Variants in SOX6 observed in about 807,000 individuals in gnomAD.
SOX6 encodes the protein SRY-box transcription factor 6.
SOX6 carries 11 observed loss-of-function variants against 97.8 expected under a neutral mutation model. The observed-to-expected ratio is 0.11, with a 90% CI of 0.07 to 0.19. The LOEUF (loss-of-function observed/expected upper bound fraction) is 0.19, where lower values mean the gene tolerates loss of function less well. SOX6 is among the 10% of genes least tolerant of loss of function. The pLI is 1.00. For missense variants in SOX6, 810 were observed against 1,039.5 expected (o/e 0.78, Z 3.04); for synonymous variants, 360 against 371.4 (o/e 0.97, Z 0.35).
chr11:16,190,911 T>A (rs1851613403), intron 4 of SOX6, among the ~76,000 whole-genome samples: 1 of 152,196 alleles, frequency 6.6e-6, no homozygotes, highest in Non-Finnish European at 1.5e-5. Flanking sequence ...ATTAACAGCA[T>A]GTGTTCATGC....
chr11:16,729,799 A>C (rs1423939779), intron 2 of SOX6, among the ~76,000 whole-genome samples: 1 of 152,126 alleles, frequency 6.6e-6, no homozygotes, highest in Non-Finnish European at 1.5e-5. Flanking sequence ...ATAAAGAGTC[A>C]ATACCCACCT....
intron 3 of SOX6, among the ~76,000 whole-genome samples, chr11:16,287,097 T>A (rs564315030): frequency 6.6e-6 from 1 of 152,102 alleles, no homozygotes; most frequent in South Asian, 2.1e-4. Context: ...CATAGTTATG[T>A]AGATGAATCT....
chr11:16,294,630 T>A (rs1855016264), intron 3 of SOX6, among the ~76,000 whole-genome samples: 1 of 152,136 alleles, frequency 6.6e-6, no homozygotes, highest in African/African-American at 2.4e-5. Context: ...TTAATGCTGT[T>A]ATAATGGCTA....
At chr11:16,727,961 G>T (rs1008888809) in intron 2 of SOX6, among the ~76,000 whole-genome samples, 1 of 152,006 alleles carries the variant, frequency 6.6e-6, no homozygotes, top group Non-Finnish European at 1.5e-5. Flanking sequence ...AGACTTTGTG[G>T]CCAGAACAGA....
chr11:16,034,140 A>T (rs1855456304), intron 12 of SOX6, among the ~76,000 whole-genome samples: 1 of 152,176 alleles, frequency 6.6e-6, no homozygotes, highest in Admixed American at 6.5e-5. Flanking sequence ...GAGAACCCCA[A>T]ATATATGGTT....
intron 1 of SOX6, among the ~76,000 whole-genome samples, chr11:16,345,052 T>C (rs1318082476): frequency 6.6e-6 from 1 of 152,012 alleles, no homozygotes; most frequent in African/African-American, 2.4e-5. Flanking sequence ...AATTCTACTT[T>C]ACTAGAACAA....
At chr11:16,344,294 A>AT (rs1194527966) in intron 1 of SOX6, among the ~76,000 whole-genome samples, 1 of 151,852 alleles carries the variant, frequency 6.6e-6, no homozygotes, top group Non-Finnish European at 1.5e-5. Flanking sequence ...TTGTTATAAA[A>AT]TGTGCACAAA....
rs1028361004 is a variant in SOX6 at position 16,320,742 on chromosome 11, T to C, written c.238-2089A>G. ...ATATATTAAAAACCATTGAATTGTA[T>C]ACATTAAGTGGGTAAATTATATGGT... On this transcript the variant is annotated intron_variant, in intron 2 of 15. Transcript: ENST00000683767. Among the ~76,000 whole-genome samples the C allele has an allele frequency of 6.6e-5, 10 of 152,288 alleles. No homozygotes were observed. In the East Asian group the frequency reaches 1.2e-3, roughly 18 times the overall value.
intron 6 of SOX6, among the ~76,000 whole-genome samples, chr11:16,168,925 G>A (rs954785808): frequency 1.3e-4 from 20 of 152,130 alleles, no homozygotes; most frequent in Admixed American, 8.5e-4. Flanking sequence ...CAATTTCTTC[G>A]CCTTTTCTAT....
At chr11:16,463,158 G>A (rs754273074) in intron 1 of SOX6, among the ~76,000 whole-genome samples, 1 of 152,090 alleles carries the variant, frequency 6.6e-6, no homozygotes, top group Non-Finnish European at 1.5e-5. Context: ...TACCGGAATG[G>A]GAACAAATTG....
At chr11:16,037,741 T>C (rs1458694601) in intron 12 of SOX6, among the ~76,000 whole-genome samples, 1 of 152,206 alleles carries the variant, frequency 6.6e-6, no homozygotes, top group African/African-American at 2.4e-5. Context: ...CACATCTCTC[T>C]AAAGGTCTCG....
At chr11:16,548,724 TAGTC>T (rs1482112537) in intron 4 of SOX6, among the ~76,000 whole-genome samples, 8 of 152,120 alleles carry the variant, frequency 5.3e-5, no homozygotes, top group African/African-American at 1.7e-4. Context: ...AAATTTCAGT[TAGTC>T]AGGAGGAATA....
At chr11:16,330,565 A>G (rs928633572) in intron 2 of SOX6, among the ~76,000 whole-genome samples, 1 of 152,158 alleles carries the variant, frequency 6.6e-6, no homozygotes, top group East Asian at 1.9e-4. Context: ...TAAAACAAAT[A>G]AACAAACAAA....
chr11:16,370,846 C>G (rs1331744285), intron 1 of SOX6, among the ~76,000 whole-genome samples: 3 of 152,050 alleles, frequency 2.0e-5, no homozygotes, highest in Non-Finnish European at 4.4e-5. Context: ...CGGAATATAA[C>G]CACTTCTCAC....
intron 1 of SOX6, among the ~76,000 whole-genome samples, chr11:16,737,815 G>A (rs1848404956): frequency 6.6e-6 from 1 of 152,122 alleles, no homozygotes; most frequent in Non-Finnish European, 1.5e-5. Context: ...AGCTGCACAC[G>A]ATTGTGAATG....
intron 4 of SOX6, among the ~76,000 whole-genome samples, chr11:16,501,135 G>C (rs1445402770): frequency 2.6e-5 from 4 of 152,136 alleles, no homozygotes; most frequent in Non-Finnish European, 5.9e-5. Context: ...GAACAGAACA[G>C]AGCTCTCAGA....
At chr11:16,496,499 A>G (rs1860599033) in intron 4 of SOX6, among the ~76,000 whole-genome samples, 1 of 152,206 alleles carries the variant, frequency 6.6e-6, no homozygotes, top group African/African-American at 2.4e-5. Flanking sequence ...TGCACCGAGC[A>G]TGAGCCAAAG....
At chr11:16,040,769 G>C (rs1342744014) in intron 12 of SOX6, among the ~76,000 whole-genome samples, 2 of 152,048 alleles carry the variant, frequency 1.3e-5, no homozygotes, top group Non-Finnish European at 2.9e-5. Context: ...GGAGTAAAGT[G>C]ATCCCGAGCT....
intron 1 of SOX6, among the ~76,000 whole-genome samples, chr11:16,441,343 TA>T (rs1177605274): frequency 2.0e-5 from 3 of 152,212 alleles, no homozygotes; most frequent in Non-Finnish European, 2.9e-5. Context: ...TGTACACTTT[TA>T]TTTGTTATTT....
Sources: allele counts gnomAD v4.1 joint callset (sites outside exome capture counted in the v4.1 genomes callset), GRCh38; gene constraint gnomAD v4.1.1; transcripts MANE v1.5; gene names NCBI Gene and HGNC (gene_info 2026-07-23, HGNC 2026-07-21).